The following PHAF1 variants were observed in gnomAD, a reference collection of about 807,000 sequenced individuals.
PHAF1 encodes phagosome assembly factor 1.
A neutral mutation model predicts 63.1 loss-of-function variants in PHAF1; 23 were observed. That is an observed-to-expected ratio of 0.36 (90% CI 0.26 to 0.52). PHAF1 has a LOEUF of 0.52. Among genes scored for constraint, PHAF1 ranks in the 20% least tolerant of loss-of-function variants. The pLI is 0.93. For missense variants in PHAF1, 427 were observed against 517.2 expected, an observed-to-expected ratio of 0.83 and a Z score of 1.69; for synonymous variants, 167 against 185.0, an observed-to-expected ratio of 0.90 and a Z score of 0.79.
intron 1 of PHAF1, among the ~76,000 whole-genome samples, chr16:67,114,006 T>A (rs1962639192): frequency 6.6e-6 from 1 of 152,132 alleles, no homozygotes; most frequent in Admixed American, 6.6e-5. Context: ...CCTGAAATGT[T>A]TTCAATGAGA....
At chr16:67,124,692 A>G (rs539410763) in intron 2 of PHAF1, among the ~76,000 whole-genome samples, 2 of 152,256 alleles carry the variant, frequency 1.3e-5, no homozygotes, top group East Asian at 3.9e-4. Context: ...TCACGAGGTC[A>G]GGAGATCAAG....
At chr16:67,139,657 C>T in intron 8 of PHAF1, 1 of 243,704 alleles carries the variant, frequency 4.1e-6, no homozygotes, top group South Asian at 8.5e-5. Context: ...CCAGAAACTG[C>T]ACTGTTTTTG....
At chr16:67,132,950 CTG>C (rs1457799624) in intron 6 of PHAF1, 39 bp downstream of exon 6, 2 of 1,488,762 alleles carry the variant, frequency 1.3e-6, no homozygotes, top group Admixed American at 1.7e-5. Context: ...TTGTATGTGT[CTG>C]TGGTATGGCT....
At chr16:67,123,902 T>G (rs756852575) in intron 2 of PHAF1, among the ~76,000 whole-genome samples, 4 of 152,202 alleles carry the variant, frequency 2.6e-5, no homozygotes, top group African/African-American at 4.8e-5. Flanking sequence ...AGGGAAAAGA[T>G]ATTAACAACT....
At chr16:67,118,878 A>G (rs1381069235) in intron 1 of PHAF1, among the ~76,000 whole-genome samples, 1 of 150,196 alleles carries the variant, frequency 6.7e-6, no homozygotes, top group African/African-American at 2.5e-5. Flanking sequence ...GGGCCGAAGC[A>G]ATCCTCTCAC....
At chr16:67,130,107 C>T (rs1005989149) in intron 3 of PHAF1, among the ~76,000 whole-genome samples, 3 of 152,104 alleles carry the variant, frequency 2.0e-5, no homozygotes, top group East Asian at 1.9e-4. Flanking sequence ...GGTGCAGTGG[C>T]GCAATCTCCG....
At position 67,115,880 on chromosome 16, in the gene PHAF1, C is replaced by T. The variant is rs147079299; in HGVS notation, c.65-4232C>T. ...TCAAGAAACTGGCATGGGCTGGGAGCGGTGGCTCATGTCTATAATCCCAGC... is the reference window on the plus strand; with the variant it reads ...TCAAGAAACTGGCATGGGCTGGGAGTGGTGGCTCATGTCTATAATCCCAGC... On this transcript the variant is annotated intron_variant, in intron 1 of 15. Transcript: ENST00000219139. Among the ~76,000 whole-genome samples the T allele has an allele frequency of 1.0e-3, 159 of 152,234 alleles. 1 individual carries two copies. Among genetic ancestry groups the T allele is most frequent in the Non-Finnish European group, 1.9e-3 (130 of 68,010 alleles).
chr16:67,130,293 C>T (rs1167192500), intron 3 of PHAF1, among the ~76,000 whole-genome samples: 2 of 151,394 alleles, frequency 1.3e-5, no homozygotes, highest in African/African-American at 2.4e-5. Context: ...GTGATCCGCC[C>T]GCCTCGGCCT....
Position 67,132,720 on chromosome 16 carries a change from A to T in PHAF1, c.356-97A>T, listed in dbSNP as rs750539123. ...CCAGTTTAGAAACAAGCCACAGGGA[A>T]GGTGTTGTCAGTCATTACTCCCTGC... On this transcript the variant is annotated intron_variant, in intron 5 of 15. Coordinates refer to ENST00000219139, the MANE Select transcript of PHAF1 (RefSeq NM_025187.5). 6.6e-6 allele frequency: 8 copies of T among 1,218,772 alleles called. No individual in the cohort carries two copies. In the Admixed American group the frequency reaches 1.0e-4, roughly 16 times the overall value. The allele number at this position is 1,218,772 out of a possible 1,614,324, so 75.5% of individuals were successfully genotyped here. A position where few individuals can be genotyped will look rare whatever the true frequency, so the allele number is the denominator to read the frequency against.
chr16:67,132,751 T>A, intron 5 of PHAF1, 66 bp from the exon 6 acceptor site: 2 of 1,399,240 alleles, frequency 1.4e-6, no homozygotes, highest in Non-Finnish European at 2.0e-6. Context: ...CCTGCCAGGC[T>A]GGTTTATGTT....
intron 2 of PHAF1, among the ~76,000 whole-genome samples, chr16:67,122,321 T>TA (rs897611645): frequency 2.4e-4 from 36 of 152,150 alleles, no homozygotes; most frequent in African/African-American, 8.7e-4. Flanking sequence ...CATTAGCAAA[T>TA]ATGGGTTTGA....
At chr16:67,139,621 T>G in intron 8 of PHAF1, 1 of 196,280 alleles carries the variant, frequency 5.1e-6, no homozygotes, top group Non-Finnish European at 1.0e-5. Flanking sequence ...AGTGCTGGGA[T>G]TATAGGCGTG....
At chr16:67,123,476 C>A (rs1274786325) in intron 2 of PHAF1, among the ~76,000 whole-genome samples, 1 of 152,040 alleles carries the variant, frequency 6.6e-6, no homozygotes, top group African/African-American at 2.4e-5. Context: ...ACTGGGGAGG[C>A]TGGAGCAGGA....
intron 1 of PHAF1, 69 bp downstream of exon 1, chr16:67,110,308 G>A: frequency 2.6e-6 from 4 of 1,509,724 alleles, no homozygotes; most frequent in Non-Finnish European, 3.6e-6. Context: ...CTTCCCACCT[G>A]TTCTCAGTCT....
intron 1 of PHAF1, among the ~76,000 whole-genome samples, chr16:67,116,498 T>C (rs1962736327): frequency 6.6e-6 from 1 of 152,222 alleles, no homozygotes; most frequent in South Asian, 2.1e-4. Flanking sequence ...TTTTCCTTCC[T>C]TTCTCTTGTC....
At chr16:67,112,951 T>C (rs144087060) in intron 1 of PHAF1, among the ~76,000 whole-genome samples, 2 of 152,250 alleles carry the variant, frequency 1.3e-5, no homozygotes, top group Non-Finnish European at 2.9e-5. Context: ...CAAACTACAT[T>C]TGGGGCTGTT....
intron 3 of PHAF1, among the ~76,000 whole-genome samples, chr16:67,131,074 T>C (rs569518704): frequency 6.6e-6 from 1 of 152,208 alleles, no homozygotes; most frequent in Admixed American, 6.5e-5. Flanking sequence ...GCAACATAGT[T>C]TTTTAGTTTT....
intron 11 of PHAF1, 87 bp downstream of exon 11, chr16:67,144,463 C>G: frequency 1.1e-6 from 1 of 915,894 alleles, no homozygotes; most frequent in Non-Finnish European, 1.8e-6. Context: ...TGGGTGTTCA[C>G]TAATTTATCT....
In PHAF1 at chr16:67,146,267, T is replaced by C. The variant is rs373312900; in HGVS notation, c.1110-11T>C. 22 of 1,612,260 alleles carry C rather than the reference T, an allele frequency of 1.4e-5. No homozygotes were observed. Among genetic ancestry groups the C allele is most frequent in the South Asian group, 3.3e-5 (3 of 91,026 alleles). On this transcript the variant is annotated splice_polypyrimidine_tract_variant and intron_variant, in intron 14 of 15. Transcript: ENST00000219139. ...TGTCTGCCTCTCTAATTCTGAATTC[T>C]TTGGCCTCAGGTCTTCCTCCCCAAA...
Sources: gnomAD v4.1 joint callset for allele counts (sites outside exome capture counted in the v4.1 genomes callset) on GRCh38, gnomAD v4.1.1 for gene constraint, MANE v1.5 for transcripts, NCBI Gene and HGNC (gene_info 2026-07-23, HGNC 2026-07-21) for gene names.